CCDC25: variants seen among roughly 807,000 people sequenced by gnomAD.
CCDC25 encodes the protein coiled-coil domain-containing protein 25.
Under a neutral mutation model 35.3 loss-of-function variants are expected in CCDC25, and 16 were observed. The observed-to-expected ratio is 0.45, with a 90% CI of 0.31 to 0.69. The LOEUF is 0.69. CCDC25 is among the 30% of genes least tolerant of loss of function. The pLI is 0.06. For missense variants in CCDC25, 179 were observed against 250.7 expected (o/e 0.71, Z 1.93); for synonymous variants, 79 against 80.3 (o/e 0.98, Z 0.09).
chr8:27,749,318 T>C (rs187902304), intron 5 of CCDC25, among the ~76,000 whole-genome samples: 7 of 152,284 alleles, frequency 4.6e-5, no homozygotes, highest in Admixed American at 3.3e-4. Context: ...CCTTCCAAAT[T>C]AGATGGCAAG....
intron 3 of CCDC25, among the ~76,000 whole-genome samples, chr8:27,757,810 G>A (rs1220596867): frequency 3.3e-5 from 5 of 152,134 alleles, no homozygotes; most frequent in Admixed American, 3.3e-4. Context: ...TTAGAAGTGG[G>A]GCCTGGTGGG....
At chr8:27,744,536 T>C (rs995171305) in intron 7 of CCDC25, among the ~76,000 whole-genome samples, 1 of 152,244 alleles carries the variant, frequency 6.6e-6, no homozygotes, top group Non-Finnish European at 1.5e-5. Context: ...AATTAGTTAC[T>C]GGTCTCACCA....
intron 2 of CCDC25, 127 bp downstream of exon 2, chr8:27,765,077 A>C: frequency 5.0e-6 from 4 of 798,684 alleles, no homozygotes; most frequent in Non-Finnish European, 7.7e-6. Flanking sequence ...TGTTTCTCAA[A>C]AGCTAGTTTA....
At chr8:27,769,443 C>T (rs764536080) in intron 1 of CCDC25, among the ~76,000 whole-genome samples, 1 of 152,220 alleles carries the variant, frequency 6.6e-6, no homozygotes, top group Non-Finnish European at 1.5e-5. Flanking sequence ...AGTACCTATA[C>T]ACCCTGCCTG....
chr8:27,766,240 G>A (rs1804395842), intron 1 of CCDC25, among the ~76,000 whole-genome samples: 1 of 152,210 alleles, frequency 6.6e-6, no homozygotes, highest in Non-Finnish European at 1.5e-5. Context: ...GTGCAGGGTT[G>A]GGCTGAACAG....
At chr8:27,740,354 G>A in intron 8 of CCDC25, 118 bp downstream of exon 8, 1 of 923,722 alleles carries the variant, frequency 1.1e-6, no homozygotes, top group Non-Finnish European at 1.7e-6. Context: ...TGTCCTGGTT[G>A]CCAAATCATG....
At chr8:27,762,309 C>G (rs1804254688) in intron 3 of CCDC25, 110 bp downstream of exon 3, 1 of 901,592 alleles carries the variant, frequency 1.1e-6, no homozygotes. Context: ...CTGTTTAACC[C>G]TGAAGACCCA....
intron 7 of CCDC25, among the ~76,000 whole-genome samples, chr8:27,744,773 T>C (rs568587729): frequency 1.1e-4 from 16 of 152,346 alleles, no homozygotes; most frequent in Admixed American, 2.6e-4. Flanking sequence ...CGATAGACTA[T>C]TGGCTTCAGG....
At chr8:27,741,263 C>T (rs1351020165) in intron 7 of CCDC25, among the ~76,000 whole-genome samples, 6 of 152,146 alleles carry the variant, frequency 3.9e-5, no homozygotes, top group African/African-American at 1.4e-4. Context: ...CTGTGCTAAG[C>T]CTGGGTAGAG....
chr8:27,741,142 T>C (rs1563442840), intron 7 of CCDC25, among the ~76,000 whole-genome samples: 1 of 152,208 alleles, frequency 6.6e-6, no homozygotes, highest in Non-Finnish European at 1.5e-5. Flanking sequence ...TTATGTTGTC[T>C]TGATTGCACG....
Position 27,772,560 on chromosome 8 carries a change from T to A in CCDC25, c.-20A>T. On this transcript the variant is annotated 5_prime_UTR_variant, in exon 1 of 9. Coordinates refer to ENST00000356537, the MANE Select transcript of CCDC25 (RefSeq NM_018246.3). ...CACCATGATCCCGGGAGCGGTGCGG[T>A]GACTCCACCGCGGAGCAGCAGCGCT... 1 of 1,548,844 alleles carries A rather than the reference T, an allele frequency of 6.5e-7. No individual in the cohort carries two copies. Among genetic ancestry groups the A allele is most frequent in the Non-Finnish European group, 8.7e-7 (1 of 1,146,416 alleles).
rs75069433 is a variant in CCDC25 at position 27,737,621 on chromosome 8, C to G, written c.598-1376G>C. Among the ~76,000 whole-genome samples, 1 of 152,310 alleles carries G rather than the reference C, an allele frequency of 6.6e-6. No individual in the cohort carries two copies. Among genetic ancestry groups the G allele is most frequent in the Admixed American group, 6.5e-5 (1 of 15,292 alleles). On this transcript the variant is annotated intron_variant, in intron 8 of 8. Coordinates refer to ENST00000356537, the MANE Select transcript of CCDC25 (RefSeq NM_018246.3). This position sits in a 1 kb window ranked among gnomAD's most constrained non-coding sequence, Gnocchi z 4.6. Reference sequence around the variant, plus strand: ...CATCTGTATCACTTACACTTCTTCACTGCTGGTGGGAATGTAAACTAGTAC... The same window carrying G: ...CATCTGTATCACTTACACTTCTTCAGTGCTGGTGGGAATGTAAACTAGTAC...
chr8:27,745,906 C>G (rs922265498), intron 7 of CCDC25, among the ~76,000 whole-genome samples: 1 of 152,150 alleles, frequency 6.6e-6, no homozygotes, highest in Non-Finnish European at 1.5e-5. Context: ...GAAAGTGGGA[C>G]TGATTAAACT....
intron 1 of CCDC25, among the ~76,000 whole-genome samples, chr8:27,771,027 A>G (rs920823042): frequency 5.9e-5 from 9 of 152,194 alleles, no homozygotes; most frequent in Admixed American, 5.2e-4. Context: ...TTTGGTCAGC[A>G]ACAAACCACA....
chr8:27,772,434 A>G, intron 1 of CCDC25, 79 bp downstream of exon 1: 2 of 1,409,872 alleles, frequency 1.4e-6, no homozygotes, highest in Non-Finnish European at 9.8e-7. Flanking sequence ...AGCGAGGGTC[A>G]GGCGCAGCGG....
At chr8:27,744,733 GT>G (rs1803550595) in intron 7 of CCDC25, among the ~76,000 whole-genome samples, 2 of 152,232 alleles carry the variant, frequency 1.3e-5, no homozygotes, top group South Asian at 4.1e-4. Flanking sequence ...GGCCTTGCCA[GT>G]TTGTTCATTC....
intron 1 of CCDC25, among the ~76,000 whole-genome samples, chr8:27,768,197 G>C (rs1804466231): frequency 3.3e-5 from 5 of 151,398 alleles, no homozygotes; most frequent in Admixed American, 3.3e-4. Context: ...AAAAAAATTG[G>C]GGGACTCTGG....
intron 5 of CCDC25, among the ~76,000 whole-genome samples, chr8:27,749,173 C>T (rs1002253830): frequency 3.9e-5 from 6 of 152,322 alleles, no homozygotes; most frequent in Middle Eastern, 6.8e-3. Flanking sequence ...AAAGCAGAGG[C>T]GCTCTGGATG....
intron 3 of CCDC25, among the ~76,000 whole-genome samples, chr8:27,759,519 G>C (rs1220759684): frequency 6.7e-6 from 1 of 150,210 alleles, no homozygotes; most frequent in Non-Finnish European, 1.5e-5. Flanking sequence ...TGAAGCAGCA[G>C]AACCACTTGA....
Sources: allele counts gnomAD v4.1 joint callset (sites outside exome capture counted in the v4.1 genomes callset), GRCh38; gene constraint gnomAD v4.1.1; non-coding constraint Gnocchi (gnomAD v3.1); transcripts MANE v1.5; gene names NCBI Gene and HGNC (gene_info 2026-07-23, HGNC 2026-07-21).